CRTAM: variants seen among roughly 807,000 people sequenced by gnomAD.
CRTAM encodes cytotoxic and regulatory T cell molecule.
In CRTAM, 44 loss-of-function variants were observed where a neutral mutation model predicts 50.0. The observed-to-expected ratio is 0.88, with a 90% CI of 0.69 to 1.13. CRTAM has a LOEUF of 1.13. Ranked by LOEUF, CRTAM falls within the 50% of genes most tolerant of loss-of-function variation. The pLI, the probability that CRTAM is intolerant of heterozygous loss-of-function variation, is 0.00. For missense variants in CRTAM, 448 were observed against 457.5 expected, an observed-to-expected ratio of 0.98 and a Z score of 0.19; for synonymous variants, 159 against 169.3, an observed-to-expected ratio of 0.94 and a Z score of 0.47.
chr11:122,859,914 G>A (rs1350194450), intron 5 of CRTAM, among the ~76,000 whole-genome samples: 1 of 149,526 alleles, frequency 6.7e-6, no homozygotes, highest in African/African-American at 2.5e-5. Flanking sequence ...ATATATTTCA[G>A]CATCAAAATC....
chr11:122,868,493 T>C (rs898385780), intron 9 of CRTAM, among the ~76,000 whole-genome samples: 11 of 152,052 alleles, frequency 7.2e-5, no homozygotes, highest in Admixed American at 6.6e-4. Context: ...TTGCCTTCTT[T>C]CTGATTTTGT....
intron 6 of CRTAM, among the ~76,000 whole-genome samples, chr11:122,863,270 GA>G (rs1312594011): frequency 6.8e-3 from 49 of 7,252 alleles, no homozygotes; most frequent in African/African-American, 0.019. Flanking sequence ...AAGAAAGAAA[GA>G]AAAAGAAAGA....
chr11:122,865,401 G>T (rs960561674), intron 7 of CRTAM, among the ~76,000 whole-genome samples: 1 of 120,426 alleles, frequency 8.3e-6, no homozygotes, highest in Non-Finnish European at 2.1e-5. Context: ...CTAGGCAAAA[G>T]ATTTCTCTCT....
chr11:122,853,028 T>TAAAGAA (rs1285474518), intron 3 of CRTAM, among the ~76,000 whole-genome samples: 2 of 150,866 alleles, frequency 1.3e-5, no homozygotes, highest in East Asian at 3.9e-4. Flanking sequence ...GACAGAAGTA[T>TAAAGAA]AAAGAAAAAG....
At chr11:122,846,376 T>G (rs1328873671) in intron 1 of CRTAM, among the ~76,000 whole-genome samples, 2 of 147,636 alleles carry the variant, frequency 1.4e-5, no homozygotes, top group African/African-American at 5.0e-5. Flanking sequence ...CAGCATGAAC[T>G]CAGCTCACTG....
At chr11:122,864,342 C>G (rs1862139918) in intron 6 of CRTAM, among the ~76,000 whole-genome samples, 1 of 152,180 alleles carries the variant, frequency 6.6e-6, no homozygotes, top group South Asian at 2.1e-4. Flanking sequence ...TACATAACTG[C>G]TCTAAACCTC....
intron 3 of CRTAM, among the ~76,000 whole-genome samples, chr11:122,853,596 G>A (rs566529085): frequency 4.6e-5 from 7 of 151,714 alleles, no homozygotes; most frequent in East Asian, 2.0e-4. Flanking sequence ...GGAGGCGGGC[G>A]GATCAATTGA....
At chr11:122,849,441 G>C (rs1861903517) in intron 1 of CRTAM, among the ~76,000 whole-genome samples, 1 of 152,168 alleles carries the variant, frequency 6.6e-6, no homozygotes. Context: ...TTAAATTCGG[G>C]TTGGGTGCTG....
chr11:122,853,986 G>C lies in CRTAM; in HGVS notation c.390G>C (p.Lys130Asn). 1 of 1,614,074 alleles carries C rather than the reference G, an allele frequency of 6.2e-7. No individual in the cohort carries two copies. Among genetic ancestry groups the C allele is most frequent in the East Asian group, 2.2e-5 (1 of 44,870 alleles). ...KPILEASVIR[K>N]QNGEEHVVLM... The stretch of plus-strand genomic sequence containing the variant: ...TCCTGGAAGCTTCAGTTATCAGAAA[G>C]CAAAATGGAGAAGAACATGTTGTAC... The change falls in exon 4 of 10, where the codon AAG (lysine) becomes AAC (asparagine). Residue 130 changes from lysine to asparagine, a missense_variant. Physicochemically the swap from Lys to Asn is moderately conservative, Grantham distance 94. Coordinates refer to ENST00000227348, the MANE Select transcript of CRTAM (RefSeq NM_019604.4).
intron 3 of CRTAM, 32 bp from the exon 4 acceptor site, chr11:122,853,911 T>C (rs1025594152): frequency 1.9e-6 from 3 of 1,608,654 alleles, no homozygotes; most frequent in South Asian, 2.2e-5. Context: ...GACTCATATC[T>C]AATTAACACA....
At chr11:122,866,010 T>C (rs189271145) in intron 7 of CRTAM, among the ~76,000 whole-genome samples, 1 of 152,274 alleles carries the variant, frequency 6.6e-6, no homozygotes, top group Admixed American at 6.5e-5. Context: ...CTGGTTCACT[T>C]TTAGCACCCT....
At chr11:122,850,311 C>T (rs573957916) in intron 2 of CRTAM, 97 bp downstream of exon 2, 1 of 1,291,834 alleles carries the variant, frequency 7.7e-7, no homozygotes, top group East Asian at 2.4e-5. Context: ...GCATGAGTCA[C>T]CCAAGGGGTG....
intron 1 of CRTAM, among the ~76,000 whole-genome samples, chr11:122,849,000 C>T (rs1361503721): frequency 6.6e-6 from 1 of 152,106 alleles, no homozygotes; most frequent in African/African-American, 2.4e-5. Flanking sequence ...TCATCATTCT[C>T]TGGGGGTTGT....
At chr11:122,851,881 T>C in intron 3 of CRTAM, 36 bp downstream of exon 3, 1 of 1,598,752 alleles carries the variant, frequency 6.3e-7, no homozygotes. Context: ...AGGGGAGCAA[T>C]ATGGATAGGA....
At chr11:122,856,146 T>A (rs981762227) in intron 5 of CRTAM, among the ~76,000 whole-genome samples, 4 of 152,208 alleles carry the variant, frequency 2.6e-5, no homozygotes, top group Non-Finnish European at 5.9e-5. Context: ...TTTATTGCTG[T>A]TGTGTTTTTG....
intron 1 of CRTAM, 130 bp from the exon 2 acceptor site, chr11:122,849,938 T>G (rs1323254660): frequency 1.2e-6 from 1 of 809,474 alleles, no homozygotes; most frequent in Non-Finnish European, 1.8e-6. Flanking sequence ...CCTCCCATTT[T>G]GTTTGTATTT....
At chr11:122,838,844 G>A (rs1269042497) in intron 1 of CRTAM, among the ~76,000 whole-genome samples, 2 of 152,034 alleles carry the variant, frequency 1.3e-5, no homozygotes, top group Non-Finnish European at 2.9e-5. Context: ...CCTATGTTAC[G>A]GCAAGATGAA....
In CRTAM at chr11:122,871,647, A is replaced by G. The variant is rs899865061; in HGVS notation, c.*248A>G. On this transcript the variant is annotated 3_prime_UTR_variant, in exon 10 of 10. Transcript: ENST00000227348. Reference sequence around the variant, plus strand: ...ATTATGCCTGACACTACTTCAGAGCAGGAGGATTCTACGAAGCCTTGGGGA... The same window carrying G: ...ATTATGCCTGACACTACTTCAGAGCGGGAGGATTCTACGAAGCCTTGGGGA... 2.0e-5 allele frequency: 5 copies of G among 255,304 alleles called. No individual in the cohort carries two copies. The highest frequency in any genetic ancestry group is 3.7e-5 in the Non-Finnish European group (5 of 135,968). 15.8% of individuals were successfully genotyped at this position (255,304 alleles called of 1,614,324 possible).
Position 122,853,979 on chromosome 11 carries a change from T to C in CRTAM, c.383T>C (p.Ile128Thr), listed in dbSNP as rs1420246777. The C allele has an allele frequency of 5.0e-6, 8 of 1,613,970 alleles. No individual in the cohort carries two copies. Among genetic ancestry groups the C allele is most frequent in the Non-Finnish European group, 6.8e-6 (8 of 1,180,010 alleles). Reference sequence around the variant, plus strand: ...AAGCCAATCCTGGAAGCTTCAGTTATCAGAAAGCAAAATGGAGAAGAACAT... The same window carrying C: ...AAGCCAATCCTGGAAGCTTCAGTTACCAGAAAGCAAAATGGAGAAGAACAT... Reference protein sequence around the residue: ...PFKPILEASVIRKQNGEEHVV... With the variant: ...PFKPILEASVTRKQNGEEHVV... The change falls in exon 4 of 10, where the codon ATC becomes ACC. Residue 128 changes from isoleucine to threonine, a missense_variant. Ile to Thr is a moderately conservative substitution (Grantham distance 89, BLOSUM62 -1). Coordinates refer to ENST00000227348, the MANE Select transcript of CRTAM (RefSeq NM_019604.4).
Sources: allele counts gnomAD v4.1 joint callset (sites outside exome capture counted in the v4.1 genomes callset), GRCh38; gene constraint gnomAD v4.1.1; transcripts MANE v1.5; gene names NCBI Gene and HGNC (gene_info 2026-07-23, HGNC 2026-07-21).